COL24A1: variants seen among roughly 807,000 people sequenced by gnomAD.
COL24A1 encodes collagen type XXIV alpha 1 chain.
A neutral mutation model predicts 253.9 loss-of-function variants in COL24A1; 224 were observed. The ratio of observed to expected loss-of-function variants is 0.88; its 90% CI spans 0.79 to 0.99. The LOEUF (loss-of-function observed/expected upper bound fraction) is 0.99, where lower values mean the gene tolerates loss of function less well. COL24A1 is among the 50% of genes least tolerant of loss of function. The pLI is 0.00. For missense variants in COL24A1, 2,131 were observed against 2,068.5 expected, an observed-to-expected ratio of 1.03 and a Z score of -0.59; for synonymous variants, 685 against 673.7, an observed-to-expected ratio of 1.02 and a Z score of -0.26.
intron 43 of COL24A1, among the ~76,000 whole-genome samples, chr1:85,832,551 C>T (rs1431340388): frequency 1.5e-4 from 23 of 150,504 alleles, no homozygotes; most frequent in Admixed American, 4.0e-4. Flanking sequence ...ATTCTTCCTA[C>T]CCATGAGCAT....
chr1:85,842,103 C>T lies in COL24A1; in HGVS notation c.3535G>A (p.Gly1179Arg), dbSNP rs779487930. The change falls in exon 41 of 60, where the codon GGA (glycine) becomes AGA (arginine). Residue 1179 changes from glycine to arginine, a missense_variant. Transcript: ENST00000370571. ...TTAGGTCCTGGCAATCCAGAGGGTC[C>T]TGGTTGGCCCTGATGGCCCTACGAA... ...PGYRGHQGQPGPSGLPGPKGE... is the reference protein window; with the variant it reads ...PGYRGHQGQPRPSGLPGPKGE... The T allele has an allele frequency of 2.5e-6, 4 of 1,613,604 alleles. No individual in the cohort carries two copies. Among genetic ancestry groups the T allele is most frequent in the Admixed American group, 3.3e-5 (2 of 59,946 alleles).
chr1:86,114,932 C>T (rs1705988415), intron 4 of COL24A1, among the ~76,000 whole-genome samples: 1 of 152,104 alleles, frequency 6.6e-6, no homozygotes, highest in South Asian at 2.1e-4. Flanking sequence ...TAGTCAATAG[C>T]TTCAGAATTT....
At chr1:85,830,643 C>A (rs556674186) in intron 43 of COL24A1, among the ~76,000 whole-genome samples, 3 of 152,226 alleles carry the variant, frequency 2.0e-5, no homozygotes, top group African/African-American at 7.2e-5. Context: ...TTTTAAAGCC[C>A]GTCGGAAAAG....
At chr1:86,050,275 C>A (rs17415366) in intron 10 of COL24A1, 98 bp from the exon 11 acceptor site, 11 of 952,158 alleles carry the variant, frequency 1.2e-5, no homozygotes, top group East Asian at 5.6e-5. Flanking sequence ...TGTAGTAGTA[C>A]GAAATTACAA....
At chr1:86,002,336 T>C (rs139666759) in intron 19 of COL24A1, among the ~76,000 whole-genome samples, 1 of 152,230 alleles carries the variant, frequency 6.6e-6, no homozygotes, top group Non-Finnish European at 1.5e-5. Flanking sequence ...GGAGGGTGAC[T>C]GTAGACTACC....
chr1:86,088,263 G>T (rs1267474177), intron 7 of COL24A1, among the ~76,000 whole-genome samples: 1 of 152,088 alleles, frequency 6.6e-6, no homozygotes, highest in Admixed American at 6.5e-5. Flanking sequence ...AGCAACCAGG[G>T]CCTGAATACC....
At chr1:86,152,635 A>C (rs1652923988) in intron 1 of COL24A1, among the ~76,000 whole-genome samples, 1 of 152,234 alleles carries the variant, frequency 6.6e-6, no homozygotes, top group Non-Finnish European at 1.5e-5. Flanking sequence ...ATGCAGTGCA[A>C]GGGAGATAAA....
chr1:86,126,154 G>A lies in COL24A1; in HGVS notation c.182C>T (p.Ala61Val), dbSNP rs11161747. The A allele has an allele frequency of 0.72, 1,162,465 of 1,607,874 alleles. 422,134 individuals carry two copies. The highest frequency in any genetic ancestry group is 0.75 in the Middle Eastern group (4,520 of 6,052). ...TGTAGATGCTGATGGTACAGCAGTC[G>A]CTGGTGATGAGTGTCTTACGTCTTT... ...GGKDVRHSSP[A>V]TAVPSASTPL... The change falls in exon 3 of 60, where the codon GCG (alanine) becomes GTG (valine). Residue 61 changes from alanine (A) to valine (V), a missense_variant. By Grantham distance (64) the Ala-to-Val change is moderately conservative (BLOSUM62 0). Transcript: ENST00000370571.
At chr1:86,115,856 G>A (rs956333071) in intron 3 of COL24A1, among the ~76,000 whole-genome samples, 2 of 152,114 alleles carry the variant, frequency 1.3e-5, no homozygotes, top group Non-Finnish European at 2.9e-5. Context: ...CTGTTATAAT[G>A]AAATCCTTCT....
chr1:86,099,571 A>G (rs1050235951), intron 5 of COL24A1, among the ~76,000 whole-genome samples: 1 of 152,236 alleles, frequency 6.6e-6, no homozygotes, highest in African/African-American at 2.4e-5. Context: ...GTCCCATAAT[A>G]GCAGCTGTTC....
rs1175573453 is a variant in COL24A1, at chr1:85,896,410, C to G, written c.2779-1G>C. Reference sequence around the variant, plus strand: ...AGAGACCATCTGGTCCTCTTGATCCCTAGAGGTGAAAAAAATATCCTGTTG... The same window carrying G: ...AGAGACCATCTGGTCCTCTTGATCCGTAGAGGTGAAAAAAATATCCTGTTG... On this transcript the variant is annotated splice_acceptor_variant, in intron 28 of 59. Coordinates refer to ENST00000370571, the MANE Select transcript of COL24A1 (RefSeq NM_152890.7). LOFTEE classifies it high-confidence loss of function. 6.2e-7 allele frequency: 1 copy of G among 1,611,698 alleles called. No individual in the cohort carries two copies.
chr1:85,946,101 C>G (rs902925563), intron 24 of COL24A1, among the ~76,000 whole-genome samples: 3 of 152,170 alleles, frequency 2.0e-5, no homozygotes, highest in African/African-American at 7.2e-5. Context: ...CTTGTTTTCC[C>G]TCTGAGAGTT....
chr1:86,009,001 T>C (rs969185779), intron 19 of COL24A1, among the ~76,000 whole-genome samples: 3 of 152,122 alleles, frequency 2.0e-5, no homozygotes, highest in Admixed American at 1.3e-4. Context: ...ACCGTTGTTG[T>C]TGAAAAGACT....
At chr1:85,819,905 T>C (rs1673441617) in intron 45 of COL24A1, among the ~76,000 whole-genome samples, 1 of 149,732 alleles carries the variant, frequency 6.7e-6, no homozygotes, top group African/African-American at 2.5e-5. Context: ...TGGAGTACAG[T>C]GTCATGATCT....
intron 37 of COL24A1, among the ~76,000 whole-genome samples, chr1:85,864,101 G>A (rs915324976): frequency 1.3e-5 from 2 of 152,068 alleles, no homozygotes; most frequent in Non-Finnish European, 2.9e-5. Flanking sequence ...ACATGCACAC[G>A]TGGGTTTATT....
intron 24 of COL24A1, among the ~76,000 whole-genome samples, chr1:85,944,933 A>AT: frequency 7.5e-6 from 1 of 132,570 alleles, no homozygotes; most frequent in African/African-American, 2.9e-5. Flanking sequence ...TGAACTCATC[A>AT]TTTTTTATGG....
chr1:86,043,121 A>G (rs563347336), intron 12 of COL24A1, among the ~76,000 whole-genome samples: 1 of 152,308 alleles, frequency 6.6e-6, no homozygotes, highest in South Asian at 2.1e-4. Context: ...AGAATCTTAA[A>G]AAATCTAAGT....
intron 43 of COL24A1, 39 bp downstream of exon 43, chr1:85,838,546 T>C (rs1258070583): frequency 3.2e-6 from 5 of 1,556,134 alleles, no homozygotes; most frequent in Non-Finnish European, 4.4e-6. Flanking sequence ...CAGAGAACCC[T>C]ATTTAAATTC....
chr1:86,085,404 A>G (rs767078504), intron 7 of COL24A1, among the ~76,000 whole-genome samples: 7 of 152,198 alleles, frequency 4.6e-5, no homozygotes, highest in Non-Finnish European at 2.9e-5. Context: ...GCCATATATT[A>G]TTTATAAAAA....
Sources: allele counts gnomAD v4.1 joint callset (sites outside exome capture counted in the v4.1 genomes callset), GRCh38; gene constraint gnomAD v4.1.1; transcripts MANE v1.5; gene names NCBI Gene and HGNC (gene_info 2026-07-23, HGNC 2026-07-21).